The following SGMS1 variants were observed in gnomAD, a reference collection of about 807,000 sequenced individuals.
The protein encoded by SGMS1 is phosphatidylcholine:ceramide cholinephosphotransferase 1.
In SGMS1, 13 loss-of-function variants were observed where a neutral mutation model predicts 46.2. The ratio of observed to expected loss-of-function variants is 0.28; its 90% confidence interval spans 0.18 to 0.45. The LOEUF (loss-of-function observed/expected upper bound fraction) is 0.45. Ranked by LOEUF, SGMS1 falls within the 20% of genes least tolerant of loss-of-function variation. The pLI is 1.00. For synonymous variants in SGMS1, 203 were observed against 187.8 expected (o/e 1.08, Z -0.66); for missense variants, 324 against 519.9 (o/e 0.62, Z 3.66).
chr10:50,598,610 G>A (rs774024709), intron 1 of SGMS1, among the ~76,000 whole-genome samples: 1 of 152,116 alleles, frequency 6.6e-6, no homozygotes, highest in African/African-American at 2.4e-5. Flanking sequence ...TCCTTGCCAA[G>A]GGAACAATCA....
intron 8 of SGMS1, among the ~76,000 whole-genome samples, chr10:50,311,940 G>C (rs1847260737): frequency 6.6e-6 from 1 of 152,096 alleles, no homozygotes; most frequent in Non-Finnish European, 1.5e-5. Context: ...CAAGGGATGT[G>C]CCTTTAATCT....
chr10:50,615,706 C>T (rs540113129), intron 1 of SGMS1, among the ~76,000 whole-genome samples: 58 of 152,250 alleles, frequency 3.8e-4, no homozygotes, highest in African/African-American at 1.4e-3. Flanking sequence ...AATGCTGGGC[C>T]CTCAAGGCTC....
intron 3 of SGMS1, among the ~76,000 whole-genome samples, chr10:50,480,174 C>T (rs1180647515): frequency 6.6e-6 from 1 of 152,008 alleles, no homozygotes; most frequent in Non-Finnish European, 1.5e-5. Flanking sequence ...GGATACCTCA[C>T]AGGAGAGTAC....
At chr10:50,429,671 A>G (rs539304480) in intron 6 of SGMS1, among the ~76,000 whole-genome samples, 16 of 149,828 alleles carry the variant, frequency 1.1e-4, no homozygotes, top group African/African-American at 3.9e-4. Flanking sequence ...AAAAACCTCT[A>G]CTCTTATAGT....
At chr10:50,344,380 C>T (rs994920513) in intron 6 of SGMS1, 35 bp from the exon 7 acceptor site, 1 of 418,202 alleles carries the variant, frequency 2.4e-6, no homozygotes, top group Non-Finnish European at 4.2e-6. Flanking sequence ...AGATGCTGTA[C>T]TTCCAAATTA....
At chr10:50,446,003 C>A (rs1293009752) in intron 5 of SGMS1, among the ~76,000 whole-genome samples, 1 of 152,168 alleles carries the variant, frequency 6.6e-6, no homozygotes, top group East Asian at 1.9e-4. Context: ...AAGCCCCCAT[C>A]TCCCCTAGTG....
chr10:50,341,953 C>T (rs972774354), intron 7 of SGMS1, among the ~76,000 whole-genome samples: 3 of 152,050 alleles, frequency 2.0e-5, no homozygotes, highest in South Asian at 2.1e-4. Flanking sequence ...GATTCTGATT[C>T]GTAACTGTTA....
chr10:50,405,482 G>T (rs1039848284), intron 6 of SGMS1, among the ~76,000 whole-genome samples: 1 of 152,146 alleles, frequency 6.6e-6, no homozygotes, highest in Non-Finnish European at 1.5e-5. Context: ...ATTATGCATT[G>T]CATGGTGTAT....
At chr10:50,460,900 C>T (rs1837256193) in intron 4 of SGMS1, 86 bp from the exon 5 acceptor site, 1 of 152,152 alleles carries the variant, frequency 6.6e-6, no homozygotes, top group Non-Finnish European at 1.5e-5. Context: ...TAAATTCAGT[C>T]CAGCTCACTA....
intron 3 of SGMS1, among the ~76,000 whole-genome samples, chr10:50,502,893 A>C (rs1837673802): frequency 6.6e-6 from 1 of 152,224 alleles, no homozygotes; most frequent in Non-Finnish European, 1.5e-5. Context: ...CTCAGCACAG[A>C]TCCAATCTCT....
At chr10:50,505,370 T>C (rs1837697881) in intron 3 of SGMS1, among the ~76,000 whole-genome samples, 1 of 152,206 alleles carries the variant, frequency 6.6e-6, no homozygotes, top group Non-Finnish European at 1.5e-5. Flanking sequence ...ACAAAAGTCA[T>C]ATTCAAACAT....
At chr10:50,325,617 A>G (rs1272093515) in intron 8 of SGMS1, among the ~76,000 whole-genome samples, 1 of 152,220 alleles carries the variant, frequency 6.6e-6, no homozygotes, top group Non-Finnish European at 1.5e-5. Context: ...GTAAGAACCA[A>G]TGGCTCACCA....
chr10:50,365,197 G>C (rs569663208), intron 6 of SGMS1, among the ~76,000 whole-genome samples: 47 of 142,006 alleles, frequency 3.3e-4, no homozygotes, highest in African/African-American at 1.2e-3. Context: ...AGATTGCAGT[G>C]AGCCGAGGTC....
intron 5 of SGMS1, among the ~76,000 whole-genome samples, chr10:50,453,783 G>C (rs1457866702): frequency 4.9e-5 from 2 of 41,106 alleles, no homozygotes; most frequent in Non-Finnish European, 1.1e-4. Flanking sequence ...GGGAGGAAGG[G>C]AGGGAGGGAG....
At chr10:50,524,561 G>A (rs550784075) in intron 2 of SGMS1, among the ~76,000 whole-genome samples, 5 of 152,158 alleles carry the variant, frequency 3.3e-5, no homozygotes, top group Non-Finnish European at 7.4e-5. Flanking sequence ...TTCACTGAGT[G>A]CTTTTGATAT....
intron 3 of SGMS1, among the ~76,000 whole-genome samples, chr10:50,492,208 A>T (rs1246983724): frequency 6.6e-6 from 1 of 152,234 alleles, no homozygotes; most frequent in African/African-American, 2.4e-5. Flanking sequence ...CACAGCCAAC[A>T]TTGTACTGAA....
intron 9 of SGMS1, among the ~76,000 whole-genome samples, chr10:50,310,129 T>C (rs941568115): frequency 9.9e-5 from 15 of 152,178 alleles, no homozygotes; most frequent in Non-Finnish European, 1.6e-4. Flanking sequence ...AAGCACCCCC[T>C]GTGATCTGGT....
chr10:50,434,325 T>A (rs1370936399), intron 5 of SGMS1, among the ~76,000 whole-genome samples: 2 of 152,220 alleles, frequency 1.3e-5, no homozygotes, highest in Non-Finnish European at 2.9e-5. Context: ...CCAGCTAGAA[T>A]GCAACTATTG....
intron 3 of SGMS1, among the ~76,000 whole-genome samples, chr10:50,490,232 A>C (rs1410236808): frequency 1.3e-5 from 2 of 152,260 alleles, no homozygotes; most frequent in African/African-American, 4.8e-5. Context: ...AATGATTTGC[A>C]TTTATAATTA....
Sources: gnomAD v4.1 joint callset for allele counts (sites outside exome capture counted in the v4.1 genomes callset) on GRCh38, gnomAD v4.1.1 for gene constraint, MANE v1.5 for transcripts, NCBI Gene and HGNC (gene_info 2026-07-23, HGNC 2026-07-21) for gene names.